Variants in DKK2 observed in about 807,000 individuals in gnomAD.
The protein encoded by DKK2 is dickkopf-related protein 2.
In DKK2, 11 loss-of-function variants were observed where a neutral mutation model predicts 28.1. The ratio of observed to expected loss-of-function variants is 0.39; its 90% CI spans 0.25 to 0.65. The LOEUF (loss-of-function observed/expected upper bound fraction) is 0.65. DKK2 is among the 30% of genes least tolerant of loss of function. The pLI, the probability that DKK2 is intolerant of heterozygous loss-of-function variation, is 0.47. For synonymous variants in DKK2, 135 were observed against 126.5 expected (o/e 1.07, Z -0.45); for missense variants, 326 against 335.5 (o/e 0.97, Z 0.22).
At chr4:106,930,736 C>T (rs146480762) in intron 1 of DKK2, among the ~76,000 whole-genome samples, 3 of 152,176 alleles carry the variant, frequency 2.0e-5, no homozygotes, top group East Asian at 1.9e-4. Flanking sequence ...AAAACATCAT[C>T]AGCTAGGCAG....
At chr4:106,944,644 C>T (rs1032187056) in intron 1 of DKK2, among the ~76,000 whole-genome samples, 7 of 152,058 alleles carry the variant, frequency 4.6e-5, no homozygotes, top group Non-Finnish European at 8.8e-5. Context: ...AAGAACTCTA[C>T]TTTCTAGGTT....
Position 106,924,107 on chromosome 4 carries a change from A to C in DKK2, c.627T>G (p.His209Gln). 1 of 1,613,988 alleles carries C rather than the reference A, an allele frequency of 6.2e-7. No homozygotes were observed. ...GTTGTTTGGTACAGACTTCCCCCTGATGGAGCACTGGTTTGCAGATTTTGG... is the reference window on the plus strand; with the variant it reads ...GTTGTTTGGTACAGACTTCCCCCTGCTGGAGCACTGGTTTGCAGATTTTGG... ...FWTKICKPVL[H>Q]QGEVCTKQRK... The change falls in exon 4 of 4, where the codon CAT becomes CAG. Residue 209 changes from histidine to glutamine, a missense_variant. His to Gln is a conservative substitution (Grantham distance 24). Transcript: ENST00000285311.
intron 1 of DKK2, among the ~76,000 whole-genome samples, chr4:107,025,654 C>A (rs1477179084): frequency 6.6e-6 from 1 of 152,178 alleles, no homozygotes; most frequent in African/African-American, 2.4e-5. Context: ...TGCAGACTTT[C>A]CAGCCAGGCT....
chr4:106,965,007 T>TGATAGATAGATAGATAGATA (rs1722751090), intron 1 of DKK2, among the ~76,000 whole-genome samples: 12 of 126,172 alleles, frequency 9.5e-5, no homozygotes, highest in Non-Finnish European at 1.7e-4. Context: ...ATAGATAGAT[T>TGATAGATAGATAGATAGATA]GATTGATTCT....
At position 106,924,636 on chromosome 4, in the gene DKK2, C is replaced by T; in HGVS notation, c.438G>A (p.Arg146=). The T allele has an allele frequency of 6.2e-7, 1 of 1,613,866 alleles. No individual in the cohort carries two copies. The highest frequency in any genetic ancestry group is 8.5e-7 in the Non-Finnish European group (1 of 1,179,864). The change falls in exon 3 of 4, where the codon CGG becomes CGA. Residue 146 remains arginine (R), a synonymous_variant. Coordinates refer to ENST00000285311, the MANE Select transcript of DKK2 (RefSeq NM_014421.3). ...AATGACCGTGGTTTCGATCTCTGTG[C>T]CGAGTACCATCCAGAGCCGGGATGT... ...TPHIPALDGT[R]HRDRNHGHYS...
intron 1 of DKK2, among the ~76,000 whole-genome samples, chr4:106,961,803 C>T (rs578205959): frequency 6.6e-5 from 10 of 152,120 alleles, no homozygotes; most frequent in Middle Eastern, 3.4e-3. Flanking sequence ...GGCAAGTTAC[C>T]GCACCTCTCT....
chr4:107,027,309 T>C (rs1723800582), intron 1 of DKK2, among the ~76,000 whole-genome samples: 2 of 152,206 alleles, frequency 1.3e-5, no homozygotes, highest in Admixed American at 1.3e-4. Flanking sequence ...GAAGATTTTT[T>C]AGTCCATTAC....
At chr4:106,959,216 A>AAGGGG (rs1722650975) in intron 1 of DKK2, among the ~76,000 whole-genome samples, 1 of 152,152 alleles carries the variant, frequency 6.6e-6, no homozygotes, top group Admixed American at 6.6e-5. Flanking sequence ...AAACATATAA[A>AAGGGG]AGGGTTTTTT....
chr4:107,033,466 TAAAG>T (rs1030668365), intron 1 of DKK2, among the ~76,000 whole-genome samples: 1 of 152,114 alleles, frequency 6.6e-6, no homozygotes, highest in African/African-American at 2.4e-5. Flanking sequence ...TATTAAAACA[TAAAG>T]AAGAAGCTAG....
chr4:106,936,739 G>A (rs886966414), intron 1 of DKK2, among the ~76,000 whole-genome samples: 3 of 152,158 alleles, frequency 2.0e-5, no homozygotes, highest in Non-Finnish European at 4.4e-5. Context: ...ACCCACAAAG[G>A]GAAGCCCATC....
At chr4:106,941,233 C>T (rs546416057) in intron 1 of DKK2, among the ~76,000 whole-genome samples, 4 of 151,956 alleles carry the variant, frequency 2.6e-5, no homozygotes, top group Non-Finnish European at 5.9e-5. Flanking sequence ...AGAAAATAAA[C>T]AGTAAGTCTG....
At chr4:106,926,818 T>C (rs1724431935) in intron 1 of DKK2, among the ~76,000 whole-genome samples, 1 of 152,170 alleles carries the variant, frequency 6.6e-6, no homozygotes, top group Non-Finnish European at 1.5e-5. Context: ...GGTCAGAGTT[T>C]AGGAAAATGA....
At chr4:106,932,252 C>T (rs1354830062) in intron 1 of DKK2, among the ~76,000 whole-genome samples, 1 of 152,122 alleles carries the variant, frequency 6.6e-6, no homozygotes. Flanking sequence ...ATCTGAATTA[C>T]AAATTAGGAA....
At chr4:107,022,161 T>A (rs75707205) in intron 1 of DKK2, among the ~76,000 whole-genome samples, 11 of 152,204 alleles carry the variant, frequency 7.2e-5, no homozygotes, top group African/African-American at 2.6e-4. Flanking sequence ...TAAAACCATA[T>A]TAGAAACAGA....
chr4:106,958,519 G>C (rs776126125), intron 1 of DKK2, among the ~76,000 whole-genome samples: 29 of 152,084 alleles, frequency 1.9e-4, no homozygotes, highest in African/African-American at 6.3e-4. Context: ...CAGTATTTTT[G>C]AAGGATATAG....
At chr4:106,983,337 G>GAAGGAAGAAAGAAAGAAAGAAAGA (rs1553923099) in intron 1 of DKK2, among the ~76,000 whole-genome samples, 15 of 120,428 alleles carry the variant, frequency 1.2e-4, no homozygotes, top group Non-Finnish European at 2.2e-4. Context: ...AGGAAGAAAG[G>GAAGGAAGAAAGAAAGAAAGAAAGA]AAGAAAGAAA....
intron 1 of DKK2, among the ~76,000 whole-genome samples, chr4:106,955,596 A>G (rs894563177): frequency 2.6e-5 from 4 of 152,168 alleles, no homozygotes; most frequent in Admixed American, 2.6e-4. Flanking sequence ...CTAACAATAC[A>G]AAAGAAGAAT....
chr4:106,945,333 A>G (rs1300125737), intron 1 of DKK2, among the ~76,000 whole-genome samples: 2 of 152,156 alleles, frequency 1.3e-5, no homozygotes, highest in Non-Finnish European at 2.9e-5. Flanking sequence ...TTTGCTAAAA[A>G]GTTCAGTCCT....
intron 1 of DKK2, among the ~76,000 whole-genome samples, chr4:106,926,562 TAAG>T (rs1362463079): frequency 1.3e-5 from 2 of 152,154 alleles, no homozygotes; most frequent in Non-Finnish European, 2.9e-5. Flanking sequence ...AACACGGTGA[TAAG>T]CAGCAGTTGA....
Sources: allele counts gnomAD v4.1 joint callset (sites outside exome capture counted in the v4.1 genomes callset), GRCh38; gene constraint gnomAD v4.1.1; transcripts MANE v1.5; gene names NCBI Gene and HGNC (gene_info 2026-07-23, HGNC 2026-07-21).